STEAP3: variants seen among roughly 807,000 people sequenced by gnomAD.
STEAP3 encodes the protein metalloreductase STEAP3.
STEAP3 carries 35 observed loss-of-function variants against 34.9 expected under a neutral mutation model. The observed-to-expected ratio is 1.00, with a 90% CI of 0.76 to 1.33. The LOEUF is 1.33. Among genes scored for constraint, STEAP3 ranks in the 40% most tolerant of loss-of-function variants. The probability of loss-of-function intolerance (pLI) is 0.00; values close to 1 mark genes in which losing one functional copy is unlikely to be tolerated. For missense variants in STEAP3, 652 were observed against 667.6 expected, an observed-to-expected ratio of 0.98 and a Z score of 0.26; for synonymous variants, 281 against 301.6, an observed-to-expected ratio of 0.93 and a Z score of 0.71.
intron 5 of STEAP3, among the ~76,000 whole-genome samples, chr2:119,259,261 A>T (rs868572741): frequency 6.6e-6 from 1 of 152,190 alleles, no homozygotes; most frequent in Non-Finnish European, 1.5e-5. Context: ...TTTTTTGCTA[A>T]CAAGCTTACG....
intron 2 of STEAP3, among the ~76,000 whole-genome samples, chr2:119,235,486 C>G (rs1677068737): frequency 6.6e-6 from 1 of 152,240 alleles, no homozygotes; most frequent in Admixed American, 6.5e-5. Flanking sequence ...CCGTCCACAG[C>G]CCTTTCCTGA....
intron 2 of STEAP3, among the ~76,000 whole-genome samples, chr2:119,242,924 G>A (rs1470545272): frequency 6.6e-6 from 1 of 152,170 alleles, no homozygotes; most frequent in African/African-American, 2.4e-5. Flanking sequence ...CTCACTATAG[G>A]ATGGGTCAGG....
At chr2:119,249,705 GC>G (rs1245690686) in intron 4 of STEAP3, among the ~76,000 whole-genome samples, 1 of 152,154 alleles carries the variant, frequency 6.6e-6, no homozygotes, top group East Asian at 1.9e-4. Context: ...ACAGACCTCA[GC>G]CCCTACTCAC....
At chr2:119,253,609 C>G (rs1293930040) in intron 4 of STEAP3, among the ~76,000 whole-genome samples, 1 of 152,080 alleles carries the variant, frequency 6.6e-6, no homozygotes, top group Non-Finnish European at 1.5e-5. Context: ...ATAAAAGTAC[C>G]AGCATTTCAC....
chr2:119,254,982 C>A lies in STEAP3; in HGVS notation c.1215+134C>A. 7.8e-6 allele frequency: 9 copies of A among 1,150,108 alleles called. No individual in the cohort carries two copies. In the Admixed American group the frequency reaches 9.1e-5, roughly 12 times the overall value. 71.2% of individuals were successfully genotyped at this position (1,150,108 alleles called of 1,614,324 possible). A position where few individuals can be genotyped will look rare whatever the true frequency, so the allele number is the denominator to read the frequency against. ...CAGGACCACTCGGTGAGATGCCAGG[C>A]CTTCCTGACCCAGAGGGCCCATCCA... On this transcript the variant is annotated intron_variant, in intron 5 of 5. Coordinates refer to ENST00000393110, the MANE Select transcript of STEAP3 (RefSeq NM_182915.3).
intron 2 of STEAP3, among the ~76,000 whole-genome samples, chr2:119,231,879 T>C (rs1016175233): frequency 2.0e-5 from 3 of 152,108 alleles, no homozygotes; most frequent in Non-Finnish European, 2.9e-5. Flanking sequence ...AAGTGAGCTT[T>C]TAAACCATGA....
In STEAP3 at chr2:119,247,770, T is replaced by C. The variant is rs763602911; in HGVS notation, c.614T>C (p.Leu205Pro). Residue 205 changes from leucine to proline, a missense_variant, in exon 4 of 6, where the codon CTG (leucine) becomes CCG (proline). By Grantham distance (98) the Leu-to-Pro change is moderately conservative. Coordinates refer to ENST00000393110, the MANE Select transcript of STEAP3 (RefSeq NM_182915.3). ...TTCATGCCCGTGGACATGGGATCCC[T>C]GGCGTCAGCCTGGGAGGTGGAGGCC... is the stretch of plus-strand genomic sequence containing the variant. ...MGFMPVDMGS[L>P]ASAWEVEAMP... 6.2e-7 allele frequency: 1 copy of C among 1,606,606 alleles called. No individual in the cohort carries two copies. The highest frequency in any genetic ancestry group is 1.7e-5 in the Admixed American group (1 of 59,854).
chr2:119,227,594 A>G (rs1679080802), intron 1 of STEAP3, among the ~76,000 whole-genome samples: 1 of 152,184 alleles, frequency 6.6e-6, no homozygotes, highest in Non-Finnish European at 1.5e-5. Flanking sequence ...GAGTTCAGCA[A>G]AGATCACATG....
chr2:119,262,770 A>C (rs1026692683), intron 5 of STEAP3, among the ~76,000 whole-genome samples: 5 of 152,216 alleles, frequency 3.3e-5, no homozygotes, highest in Non-Finnish European at 5.9e-5. Flanking sequence ...AGGAAAAAGC[A>C]TGGTCATATA....
At chr2:119,261,383 G>A (rs1349573226) in intron 5 of STEAP3, among the ~76,000 whole-genome samples, 1 of 152,076 alleles carries the variant, frequency 6.6e-6, no homozygotes, top group Non-Finnish European at 1.5e-5. Context: ...TGTCTCCTTG[G>A]AGAAAATGCA....
At chr2:119,224,579 G>A (rs191211608) in intron 1 of STEAP3, among the ~76,000 whole-genome samples, 408 of 152,340 alleles carry the variant, frequency 2.7e-3, no homozygotes, top group Admixed American at 4.4e-3. Context: ...AGGGGAGGGT[G>A]TGCCCAGATA....
Position 119,226,953 on chromosome 2 carries a change from G to A in STEAP3, c.-394+3065G>A, listed in dbSNP as rs186575020. 1.0e-3 allele frequency among the ~76,000 whole-genome samples: 156 copies of A among 152,182 alleles called. 2 individuals are homozygous for A. Among genetic ancestry groups the A allele is most frequent in the African/African-American group, 3.5e-3 (146 of 41,514 alleles). ...TTCCACCCCTAACCTGAGACTCCTA[G>A]CCACTAACTAACTGCCACATTCTCC... On this transcript the variant is annotated intron_variant, in intron 1 of 5. Transcript: ENST00000393110.
intron 2 of STEAP3, among the ~76,000 whole-genome samples, chr2:119,231,384 T>TGTGTGTGTG (rs1558742239): frequency 1.0e-4 from 15 of 144,662 alleles, no homozygotes; most frequent in Non-Finnish European, 1.8e-4. Context: ...TGTGTGTGTG[T>TGTGTGTGTG]TTAAGGATGT....
intron 5 of STEAP3, among the ~76,000 whole-genome samples, chr2:119,262,412 G>A (rs1490867497): frequency 1.3e-5 from 2 of 151,954 alleles, no homozygotes; most frequent in Non-Finnish European, 2.9e-5. Flanking sequence ...TGTTACCCAG[G>A]CTGGAGTGCA....
At chr2:119,256,548 A>G (rs1026431171) in intron 5 of STEAP3, among the ~76,000 whole-genome samples, 2 of 152,168 alleles carry the variant, frequency 1.3e-5, no homozygotes, top group African/African-American at 4.8e-5. Context: ...AAGCCGGTGG[A>G]TTTGATTTTG....
At chr2:119,253,178 G>A (rs1677675285) in intron 4 of STEAP3, among the ~76,000 whole-genome samples, 1 of 152,136 alleles carries the variant, frequency 6.6e-6, no homozygotes, top group Non-Finnish European at 1.5e-5. Flanking sequence ...AACCTCCTAG[G>A]TAGAGAAACT....
intron 5 of STEAP3, chr2:119,257,854 C>T (rs775001069): frequency 2.4e-5 from 12 of 500,118 alleles, no homozygotes; most frequent in Non-Finnish European, 3.1e-5. Context: ...CTTTTGTTAC[C>T]GGAAAAGGGT....
chr2:119,262,353 CACAT>C (rs1418242364), intron 5 of STEAP3, among the ~76,000 whole-genome samples: 2 of 151,932 alleles, frequency 1.3e-5, no homozygotes, highest in African/African-American at 4.8e-5. Flanking sequence ...CACACACACA[CACAT>C]ATACATGTAT....
chr2:119,242,513 A>T (rs1237146948), intron 2 of STEAP3, among the ~76,000 whole-genome samples: 1 of 152,174 alleles, frequency 6.6e-6, no homozygotes, highest in Non-Finnish European at 1.5e-5. Context: ...ACTGTCACCC[A>T]GCTCTTCATC....
Sources: allele counts gnomAD v4.1 joint callset (sites outside exome capture counted in the v4.1 genomes callset), GRCh38; gene constraint gnomAD v4.1.1; transcripts MANE v1.5; gene names NCBI Gene and HGNC (gene_info 2026-07-23, HGNC 2026-07-21).